SPATA13: variants seen among roughly 807,000 people sequenced by gnomAD.
SPATA13 encodes spermatogenesis-associated protein 13.
SPATA13 carries 50 observed loss-of-function variants against 104.0 expected under a neutral mutation model. The observed-to-expected ratio is 0.48, with a 90% CI of 0.38 to 0.61. The LOEUF (loss-of-function observed/expected upper bound fraction) is 0.61. Ranked by LOEUF, SPATA13 falls within the 20% of genes least tolerant of loss-of-function variation. The probability of loss-of-function intolerance (pLI) is 0.00; values close to 1 mark genes in which losing one functional copy is unlikely to be tolerated. For synonymous variants in SPATA13, 606 were observed against 667.5 expected (o/e 0.91, Z 1.42); for missense variants, 1,524 against 1,690.6 (o/e 0.90, Z 1.73).
chr13:24,025,651 TG>T (rs1406434348), intron 3 of SPATA13, among the ~76,000 whole-genome samples: 3 of 152,238 alleles, frequency 2.0e-5, no homozygotes, highest in Admixed American at 2.0e-4. Context: ...TTCAAATTTC[TG>T]CCAATTTGGT....
chr13:24,241,723 G>A (rs745596025), intron 2 of SPATA13, among the ~76,000 whole-genome samples: 3 of 152,192 alleles, frequency 2.0e-5, no homozygotes, highest in Non-Finnish European at 4.4e-5. Context: ...CCCCATTGAG[G>A]GCTATGAAAG....
Position 24,051,611 on chromosome 13 carries a change from A to T in SPATA13, c.-112+33910A>T, listed in dbSNP as rs145550929. Among the ~76,000 whole-genome samples the T allele has an allele frequency of 9.3e-3, 1,421 of 152,162 alleles. 27 individuals are homozygous for T. Among genetic ancestry groups the T allele is most frequent in the African/African-American group, 0.031 (1,282 of 41,500 alleles). On this transcript the variant is annotated intron_variant, in intron 3 of 14. Transcript: ENST00000424834. This position sits in a 1 kb window ranked among gnomAD's most constrained non-coding sequence, Gnocchi z 4.2. ...CCTGCTGGTCTAGTAGAGTGGAGCC[A>T]GCGGAGACAATGCTCCCTGTTTGGG...
At chr13:24,031,166 G>A (rs1877466318) in intron 3 of SPATA13, among the ~76,000 whole-genome samples, 1 of 152,210 alleles carries the variant, frequency 6.6e-6, no homozygotes, top group African/African-American at 2.4e-5. Context: ...TAGAACTGCT[G>A]CGGAGGGGAG....
At chr13:24,199,358 A>C (rs991682603) in intron 1 of SPATA13, among the ~76,000 whole-genome samples, 1 of 152,202 alleles carries the variant, frequency 6.6e-6, no homozygotes, top group African/African-American at 2.4e-5. Context: ...ATTGTTAGGG[A>C]ATCTGTCACA....
intron 4 of SPATA13, among the ~76,000 whole-genome samples, chr13:24,264,224 A>G (rs2138683992): frequency 6.6e-6 from 1 of 152,332 alleles, no homozygotes; most frequent in Non-Finnish European, 1.5e-5. Flanking sequence ...TTAAAAAGTA[A>G]AAGTTATTGA....
chr13:24,262,275 A>AT lies in SPATA13; in HGVS notation c.2164+10421dup, dbSNP rs576916058. Among the ~76,000 whole-genome samples the AT allele has an allele frequency of 2.1e-3, 311 of 145,872 alleles. 1 individual carries two copies. Among genetic ancestry groups the AT allele is most frequent in the African/African-American group, 7.3e-3 (289 of 39,820 alleles). The stretch of plus-strand genomic sequence containing the variant: ...AAAGAAATTTATTCAAATTCTTTGT[A>AT]TTTTTTTTGTTTGTTTAAAACAAAG... On this transcript the variant is annotated intron_variant, in intron 4 of 12. Coordinates refer to ENST00000382108, the MANE Select transcript of SPATA13 (RefSeq NM_001166271.3).
At chr13:24,023,820 C>G (rs1212489586) in intron 3 of SPATA13, among the ~76,000 whole-genome samples, 1 of 152,160 alleles carries the variant, frequency 6.6e-6, no homozygotes, top group Non-Finnish European at 1.5e-5. Context: ...TCTGCCAGCA[C>G]CTTGGTTTTA....
At chr13:24,162,100 C>T (rs1320212221) in intron 1 of SPATA13, among the ~76,000 whole-genome samples, 1 of 152,178 alleles carries the variant, frequency 6.6e-6, no homozygotes, top group Non-Finnish European at 1.5e-5. Flanking sequence ...CTCTGCCCTC[C>T]TCCCGCACTT....
chr13:24,207,470 T>C (rs1422602651), intron 1 of SPATA13, among the ~76,000 whole-genome samples: 2 of 152,222 alleles, frequency 1.3e-5, no homozygotes, highest in Non-Finnish European at 2.9e-5. Flanking sequence ...GAGCATGTAA[T>C]AGTTCTGTGT....
At chr13:24,137,073 G>T (rs1182313221) in intron 3 of SPATA13, among the ~76,000 whole-genome samples, 1 of 140,570 alleles carries the variant, frequency 7.1e-6, no homozygotes. Flanking sequence ...CTCGTGATCC[G>T]CCCGCCTCGG....
intron 3 of SPATA13, among the ~76,000 whole-genome samples, chr13:24,037,936 G>A (rs182616549): frequency 6.6e-6 from 1 of 151,644 alleles, no homozygotes; most frequent in East Asian, 1.9e-4. Flanking sequence ...TTTTGAAATG[G>A]AGTCTCGCTC....
chr13:24,169,422 C>G (rs1420528575), intron 1 of SPATA13, among the ~76,000 whole-genome samples: 1 of 152,072 alleles, frequency 6.6e-6, no homozygotes, highest in Non-Finnish European at 1.5e-5. Context: ...CATGACAAGT[C>G]GTAAGGCGTG....
chr13:24,294,884 C>A lies in SPATA13; in HGVS notation c.3210+16C>A, dbSNP rs1876655663. 4 of 1,596,002 alleles carry A rather than the reference C, an allele frequency of 2.5e-6. No homozygotes were observed. Among genetic ancestry groups the A allele is most frequent in the Non-Finnish European group, 3.4e-6 (4 of 1,165,000 alleles). On this transcript the variant is annotated intron_variant, in intron 10 of 12. Transcript: ENST00000382108. The stretch of plus-strand genomic sequence containing the variant: ...GGGCTGGGAGGTAAGTGGAAAGCAC[C>A]CCACATGATCCCATGCCACTCGCCC...
intron 1 of SPATA13, among the ~76,000 whole-genome samples, chr13:24,166,754 T>C (rs1882748568): frequency 6.6e-6 from 1 of 152,222 alleles, no homozygotes; most frequent in Non-Finnish European, 1.5e-5. Flanking sequence ...ATATGCTTCC[T>C]GGAGGCTCTG....
chr13:24,261,526 A>G (rs1378337107), intron 4 of SPATA13, among the ~76,000 whole-genome samples: 1 of 152,200 alleles, frequency 6.6e-6, no homozygotes, highest in African/African-American at 2.4e-5. Context: ...GGAGTGTGAT[A>G]TGAGTGGGGG....
Position 24,302,660 on chromosome 13 carries a change from A to G in SPATA13, c.3721A>G (p.Ile1241Val). The G allele has an allele frequency of 6.2e-7, 1 of 1,613,986 alleles. No homozygotes were observed. Among genetic ancestry groups the G allele is most frequent in the Non-Finnish European group, 8.5e-7 (1 of 1,179,988 alleles). The change falls in exon 13 of 13, where the codon ATC becomes GTC. Residue 1241 changes from isoleucine to valine, a missense_variant. Transcript: ENST00000382108. ...QGLHPIHQRH[I>V]TMPTSVPQQQ... ...CCTGCACCCCATCCACCAGCGCCAC[A>G]TCACTATGCCCACAAGCGTCCCCCA...
At chr13:24,257,821 C>A (rs1873864612) in intron 4 of SPATA13, among the ~76,000 whole-genome samples, 1 of 152,054 alleles carries the variant, frequency 6.6e-6, no homozygotes, top group Non-Finnish European at 1.5e-5. Flanking sequence ...AAATTGAGTC[C>A]TTTAAAGGCA....
intron 4 of SPATA13, among the ~76,000 whole-genome samples, chr13:24,279,461 G>A (rs1291782674): frequency 6.6e-6 from 1 of 152,182 alleles, no homozygotes; most frequent in Non-Finnish European, 1.5e-5. Flanking sequence ...CCTGCCGGGG[G>A]CAGGGGTGGC....
intron 3 of SPATA13, among the ~76,000 whole-genome samples, chr13:24,149,296 G>T (rs1354438545): frequency 6.6e-6 from 1 of 152,118 alleles, no homozygotes; most frequent in Non-Finnish European, 1.5e-5. Flanking sequence ...AGAGAACACC[G>T]AACACACCCC....
Sources: gnomAD v4.1 joint callset for allele counts (sites outside exome capture counted in the v4.1 genomes callset) on GRCh38, gnomAD v4.1.1 for gene constraint, Gnocchi (gnomAD v3.1) non-coding constraint, MANE v1.5 for transcripts, NCBI Gene and HGNC (gene_info 2026-07-23, HGNC 2026-07-21) for gene names.